The following MYZAP variants were observed in gnomAD, a reference collection of about 807,000 sequenced individuals.
MYZAP encodes the protein GRINL1A complex locus upstream.
In MYZAP, 66 loss-of-function variants were observed where a neutral mutation model predicts 69.4. The observed-to-expected ratio is 0.95, with a 90% CI of 0.78 to 1.17. The LOEUF is 1.17. Ranked by LOEUF, MYZAP falls within the 50% of genes most tolerant of loss-of-function variation. The pLI is 0.00. For synonymous variants in MYZAP, 256 were observed against 205.9 expected (o/e 1.24, Z -2.09); for missense variants, 611 against 556.2 (o/e 1.10, Z -0.99).
At chr15:57,667,366 G>A (rs2038629670) in intron 11 of MYZAP, among the ~76,000 whole-genome samples, 1 of 152,144 alleles carries the variant, frequency 6.6e-6, no homozygotes, top group South Asian at 2.1e-4. Context: ...GTCCAGAAGT[G>A]CTGCACATTT....
intron 10 of MYZAP, among the ~76,000 whole-genome samples, chr15:57,653,033 C>T (rs2037806482): frequency 6.6e-6 from 1 of 151,922 alleles, no homozygotes. Flanking sequence ...ATTATTCTTT[C>T]GTTAAAGCCA....
intron 10 of MYZAP, among the ~76,000 whole-genome samples, chr15:57,642,956 T>A (rs1167075125): frequency 6.6e-6 from 1 of 152,152 alleles, no homozygotes; most frequent in Non-Finnish European, 1.5e-5. Context: ...TGAGAAAAGA[T>A]AATGCAAAAC....
At chr15:57,617,966 G>T in intron 2 of MYZAP, 67 bp from the exon 3 acceptor site, 1 of 1,540,334 alleles carries the variant, frequency 6.5e-7, no homozygotes, top group Non-Finnish European at 8.7e-7. Context: ...CAGTGGGCCC[G>T]TTATTACAAC....
chr15:57,608,283 C>T (rs1355630775), intron 2 of MYZAP, among the ~76,000 whole-genome samples: 2 of 152,136 alleles, frequency 1.3e-5, no homozygotes, highest in Non-Finnish European at 2.9e-5. Flanking sequence ...GAGGCTGCTG[C>T]CAGTTGGGCC....
chr15:57,645,675 C>T (rs1315971522), intron 10 of MYZAP, among the ~76,000 whole-genome samples: 1 of 151,890 alleles, frequency 6.6e-6, no homozygotes, highest in South Asian at 2.1e-4. Context: ...GCTGTGTATA[C>T]CTAAAGTTAA....
chr15:57,682,137 C>G (rs1381317336), intron 12 of MYZAP, among the ~76,000 whole-genome samples: 1 of 152,194 alleles, frequency 6.6e-6, no homozygotes, highest in Admixed American at 6.5e-5. Flanking sequence ...TCACTCCACA[C>G]AGTCTTTCAG....
In MYZAP at chr15:57,669,475, T is replaced by C. The variant is rs796920334; in HGVS notation, c.1204-5493T>C. Among the ~76,000 whole-genome samples the C allele has an allele frequency of 1.8e-4, 28 of 152,302 alleles. 1 individual carries two copies. Among genetic ancestry groups the C allele is most frequent in the African/African-American group, 6.5e-4 (27 of 41,576 alleles). ...TTAATTTCTGATATTATTTGTACCC[T>C]CTTTCTCTCCCTATCTTATCCACTC... On this transcript the variant is annotated intron_variant, in intron 11 of 12. Transcript: ENST00000267853.
rs1424264100 is a variant in MYZAP at position 57,618,113 on chromosome 15, A to G, written c.243A>G (p.Gln81=). 1 of 1,614,238 alleles carries G rather than the reference A, an allele frequency of 6.2e-7. No homozygotes were observed. Among genetic ancestry groups the G allele is most frequent in the South Asian group, 1.1e-5 (1 of 91,074 alleles). Residue 81 remains glutamine, a synonymous_variant, in exon 3 of 13, where the codon CAA becomes CAG. Coordinates refer to ENST00000267853, the MANE Select transcript of MYZAP (RefSeq NM_001018100.5). The part of the protein sequence containing the change: ...VVYGVVRRSD[Q]NQQKEMVVYG... ...ATGGTGTGGTGCGAAGATCAGATCA[A>G]AATCAGCAGAAAGAAATGGTGGTGT...
chr15:57,603,637 A>G (rs1431735750), intron 1 of MYZAP, among the ~76,000 whole-genome samples: 1 of 152,176 alleles, frequency 6.6e-6, no homozygotes, highest in African/African-American at 2.4e-5. Flanking sequence ...TTCAAGGTTT[A>G]TCCATGTTGT....
At chr15:57,621,848 A>G in intron 4 of MYZAP, 148 bp downstream of exon 4, 1 of 712,148 alleles carries the variant, frequency 1.4e-6, no homozygotes. Context: ...ATTTTATCAC[A>G]GAATGAAATT....
chr15:57,667,879 C>A (rs968236907), intron 11 of MYZAP, among the ~76,000 whole-genome samples: 3 of 152,180 alleles, frequency 2.0e-5, no homozygotes, highest in African/African-American at 2.4e-5. Context: ...ATTTCTATCA[C>A]CCCACCAAAG....
chr15:57,644,701 A>G (rs2037350981), intron 10 of MYZAP, among the ~76,000 whole-genome samples: 1 of 152,154 alleles, frequency 6.6e-6, no homozygotes, highest in Non-Finnish European at 1.5e-5. Context: ...CCTGGCCTCT[A>G]GCAATCTTCC....
At chr15:57,662,392 G>A (rs1293628793) in intron 11 of MYZAP, among the ~76,000 whole-genome samples, 2 of 152,178 alleles carry the variant, frequency 1.3e-5, no homozygotes, top group African/African-American at 2.4e-5. Flanking sequence ...CTTTGATTAA[G>A]CCCTGCTGTG....
chr15:57,681,602 A>G (rs771780695), intron 12 of MYZAP, among the ~76,000 whole-genome samples: 12 of 152,122 alleles, frequency 7.9e-5, no homozygotes, highest in Admixed American at 2.0e-4. Flanking sequence ...TGGCCCACCC[A>G]GTGAAACTCC....
At chr15:57,650,345 G>A (rs969571057) in intron 10 of MYZAP, among the ~76,000 whole-genome samples, 4 of 152,126 alleles carry the variant, frequency 2.6e-5, no homozygotes, top group East Asian at 3.9e-4. Flanking sequence ...GTTGGTACAC[G>A]TTTAAGAAGA....
Position 57,595,602 on chromosome 15 carries a change from C to T in MYZAP, c.75+3493C>T, listed in dbSNP as rs74016316. 5.3e-3 allele frequency among the ~76,000 whole-genome samples: 796 copies of T among 149,450 alleles called. 4 individuals are homozygous for T. The highest frequency in any genetic ancestry group is 0.019 in the African/African-American group (770 of 40,938). ...CAACCGGGTCACACAACTGACCTTT[C>T]GGCACAATACTTACTGCCGAGTATT... On this transcript the variant is annotated intron_variant, in intron 1 of 12. Coordinates refer to ENST00000267853, the MANE Select transcript of MYZAP (RefSeq NM_001018100.5).
chr15:57,598,871 C>T (rs2140318743), intron 1 of MYZAP, among the ~76,000 whole-genome samples: 1 of 152,308 alleles, frequency 6.6e-6, no homozygotes, highest in Non-Finnish European at 1.5e-5. Context: ...GGTGGGTTCT[C>T]CAAACCTCAC....
chr15:57,648,035 C>A (rs1306394425), intron 10 of MYZAP: 1 of 985,134 alleles, frequency 1.0e-6, no homozygotes, highest in African/African-American at 1.7e-5. Context: ...GGAGGTGCTA[C>A]TCAAAAGTTT....
chr15:57,596,352 C>G (rs2034057728), intron 1 of MYZAP, among the ~76,000 whole-genome samples: 1 of 152,148 alleles, frequency 6.6e-6, no homozygotes, highest in South Asian at 2.1e-4. Context: ...ATGTTCTTGT[C>G]TAATTGAGTT....
Sources: allele counts gnomAD v4.1 joint callset (sites outside exome capture counted in the v4.1 genomes callset), GRCh38; gene constraint gnomAD v4.1.1; transcripts MANE v1.5; gene names NCBI Gene and HGNC (gene_info 2026-07-23, HGNC 2026-07-21).